Variants in IQCM observed in about 807,000 individuals in gnomAD.
IQCM encodes the protein IQ motif containing M, also known as IQ domain-containing protein M.
A neutral mutation model predicts 57.6 loss-of-function variants in IQCM; 45 were observed. That is an observed-to-expected ratio of 0.78 (90% CI 0.62 to 1.00). The LOEUF is 1.00. Ranked by LOEUF, IQCM falls within the 50% of genes least tolerant of loss-of-function variation. IQCM has a pLI of 0.00. For synonymous variants in IQCM, 148 were observed against 158.9 expected, an observed-to-expected ratio of 0.93 and a Z score of 0.51; for missense variants, 468 against 511.6, an observed-to-expected ratio of 0.91 and a Z score of 0.82.
At chr4:149,613,496 C>A (rs1213105447) in intron 8 of IQCM, among the ~76,000 whole-genome samples, 1 of 151,934 alleles carries the variant, frequency 6.6e-6, no homozygotes, top group African/African-American at 2.4e-5. Flanking sequence ...ATATTAAAAT[C>A]TTGTCAATCC....
At chr4:149,726,091 GAAAGAAAGAAA>G (rs1765881676) in intron 5 of IQCM, among the ~76,000 whole-genome samples, 1 of 135,484 alleles carries the variant, frequency 7.4e-6, no homozygotes, top group Non-Finnish European at 1.6e-5. Flanking sequence ...AAGAAAGAAA[GAAAGAAAGAAA>G]GAAAGAAAGA....
At chr4:149,700,082 A>C (rs1219493210) in intron 5 of IQCM, among the ~76,000 whole-genome samples, 1 of 152,052 alleles carries the variant, frequency 6.6e-6, no homozygotes, top group East Asian at 1.9e-4. Flanking sequence ...GGACGGAGGC[A>C]TGGGAAAACT....
intron 12 of IQCM, among the ~76,000 whole-genome samples, chr4:149,434,691 C>T (rs2111284780): frequency 6.6e-6 from 1 of 152,000 alleles, no homozygotes; most frequent in East Asian, 1.9e-4. Context: ...GCTTGTGAGG[C>T]TAGAACACTT....
At position 149,500,468 on chromosome 4, in the gene IQCM, A is replaced by G. The variant is rs143596356; in HGVS notation, c.1228+47987T>C. Among the ~76,000 whole-genome samples the G allele has an allele frequency of 2.2e-3, 328 of 152,274 alleles. 1 individual carries two copies. Among genetic ancestry groups the G allele is most frequent in the Non-Finnish European group, 3.8e-3 (260 of 68,004 alleles). On this transcript the variant is annotated intron_variant, in intron 12 of 13. Transcript: ENST00000636793. ...GTATGAAAAGAGTTCAAATATTCAG[A>G]CCCAGATTACTGAAATAGAGATGGC...
In IQCM at chr4:149,607,933, A is replaced by G. The variant is rs148050109; in HGVS notation, c.681+13196T>C. ...TAAGTCCTTACCAATGAATAATAAC[A>G]TTGAATGTAAATGAACTAAATTTTC... On this transcript the variant is annotated intron_variant, in intron 8 of 13. Coordinates refer to ENST00000636793, the MANE Select transcript of IQCM (RefSeq NM_001363507.2). Among the ~76,000 whole-genome samples, 445 of 152,088 alleles carry G rather than the reference A, an allele frequency of 2.9e-3. 3 individuals are homozygous for G. Among genetic ancestry groups the G allele is most frequent in the African/African-American group, 8.6e-3 (356 of 41,556 alleles).
At chr4:149,544,524 G>A (rs1579433468) in intron 12 of IQCM, among the ~76,000 whole-genome samples, 2 of 151,996 alleles carry the variant, frequency 1.3e-5, no homozygotes, top group African/African-American at 2.4e-5. Flanking sequence ...TCAAAATTCC[G>A]ATGGCATTTT....
chr4:149,469,264 T>G (rs920010774), intron 12 of IQCM, among the ~76,000 whole-genome samples: 2 of 152,140 alleles, frequency 1.3e-5, no homozygotes, highest in African/African-American at 4.8e-5. Flanking sequence ...ATAAACAGTG[T>G]GGAGAAGTCC....
rs1269424634 is a variant in IQCM at position 149,718,090 on chromosome 4, T to C, written c.385+15154A>G. 2.0e-5 allele frequency among the ~76,000 whole-genome samples: 3 copies of C among 152,192 alleles called. No homozygotes were observed. The East Asian group carries it at 5.8e-4, about 29-fold the overall frequency. ...GGTGAGAGTAAAAGGCCCTCCTGCC[T>C]ACAACTGGAAGGGTAAGTTTAATCC... On this transcript the variant is annotated intron_variant, in intron 5 of 13. Transcript: ENST00000636793.
At chr4:149,737,288 A>C (rs1395031247) in intron 3 of IQCM, among the ~76,000 whole-genome samples, 1 of 152,190 alleles carries the variant, frequency 6.6e-6, no homozygotes. Context: ...TCATTAGTGT[A>C]CTCAATGTAC....
intron 13 of IQCM, among the ~76,000 whole-genome samples, chr4:149,364,319 T>C (rs1485963598): frequency 6.6e-6 from 1 of 152,146 alleles, no homozygotes; most frequent in East Asian, 1.9e-4. Flanking sequence ...TAGATGATGT[T>C]TCCGCAGCCT....
At chr4:149,371,988 T>A (rs1037549690) in intron 13 of IQCM, among the ~76,000 whole-genome samples, 1 of 152,204 alleles carries the variant, frequency 6.6e-6, no homozygotes, top group Non-Finnish European at 1.5e-5. Context: ...TCTGAACCAA[T>A]AGTTAAAAAC....
intron 7 of IQCM, among the ~76,000 whole-genome samples, chr4:149,664,025 T>C (rs1579909868): frequency 6.6e-6 from 1 of 152,138 alleles, no homozygotes. Flanking sequence ...TTCTTTTTCC[T>C]CTGGATTATT....
At chr4:149,585,000 T>G (rs1232123808) in intron 9 of IQCM, among the ~76,000 whole-genome samples, 1 of 151,742 alleles carries the variant, frequency 6.6e-6, no homozygotes, top group Non-Finnish European at 1.5e-5. Context: ...AAAAAAATAC[T>G]GCTGAGTGGG....
intron 13 of IQCM, among the ~76,000 whole-genome samples, chr4:149,411,134 C>A (rs1296151344): frequency 6.6e-6 from 1 of 152,092 alleles, no homozygotes; most frequent in South Asian, 2.1e-4. Flanking sequence ...ACTTCTATTG[C>A]AATATCCCTG....
At chr4:149,554,845 G>A (rs374141175) in intron 10 of IQCM, among the ~76,000 whole-genome samples, 3 of 151,258 alleles carry the variant, frequency 2.0e-5, no homozygotes, top group African/African-American at 7.3e-5. Flanking sequence ...GACTACAGGC[G>A]CCCCCCACCA....
chr4:149,620,236 G>C (rs1652007516), intron 8 of IQCM, among the ~76,000 whole-genome samples: 2 of 152,116 alleles, frequency 1.3e-5, no homozygotes, highest in African/African-American at 4.8e-5. Context: ...GCAAGCCAAG[G>C]AAAAGGGTCT....
chr4:149,517,867 A>C (rs1400426617), intron 12 of IQCM, among the ~76,000 whole-genome samples: 1 of 152,084 alleles, frequency 6.6e-6, no homozygotes, highest in Non-Finnish European at 1.5e-5. Flanking sequence ...TGGGACTTGG[A>C]CTGGCTTCCT....
At chr4:149,515,123 T>A (rs889111867) in intron 12 of IQCM, among the ~76,000 whole-genome samples, 1 of 137,700 alleles carries the variant, frequency 7.3e-6, no homozygotes, top group Non-Finnish European at 1.6e-5. Context: ...CGCCCATAGG[T>A]GAATCACAGC....
intron 11 of IQCM, among the ~76,000 whole-genome samples, chr4:149,550,681 T>C (rs1379203269): frequency 6.6e-6 from 1 of 152,206 alleles, no homozygotes; most frequent in East Asian, 1.9e-4. Flanking sequence ...AATGAAATTT[T>C]CTGATCATTG....
Sources: allele counts gnomAD v4.1 joint callset (sites outside exome capture counted in the v4.1 genomes callset), GRCh38; gene constraint gnomAD v4.1.1; transcripts MANE v1.5; gene names NCBI Gene and HGNC (gene_info 2026-07-23, HGNC 2026-07-21).